Variants in HIPK4 observed in about 807,000 individuals in gnomAD.
HIPK4 encodes the protein homeodomain interacting protein kinase 4, also known as homeodomain-interacting protein kinase 4.
In HIPK4, 26 loss-of-function variants were observed where a neutral mutation model predicts 44.8. The ratio of observed to expected loss-of-function variants is 0.58; its 90% CI spans 0.43 to 0.80. The LOEUF is 0.80. Ranked by LOEUF, HIPK4 falls within the 30% of genes least tolerant of loss-of-function variation. The probability of loss-of-function intolerance (pLI) is 0.00; values close to 1 mark genes in which losing one functional copy is unlikely to be tolerated. For synonymous variants in HIPK4, 340 were observed against 355.5 expected, an observed-to-expected ratio of 0.96 and a Z score of 0.49; for missense variants, 729 against 862.6, an observed-to-expected ratio of 0.85 and a Z score of 1.94.
rs1160820347 is a variant in HIPK4, at chr19:40,389,685, A to C, written c.218T>G (p.Ile73Ser). 5 of 1,614,084 alleles carry C rather than the reference A, an allele frequency of 3.1e-6. No individual in the cohort carries two copies. Among genetic ancestry groups the C allele is most frequent in the African/African-American group, 1.3e-5 (1 of 74,940 alleles). The change falls in exon 1 of 4, where the codon ATC (isoleucine) becomes AGC (serine). Residue 73 changes from isoleucine (I) to serine (S), a missense_variant. Physicochemically the swap from Ile to Ser is moderately radical, Grantham distance 142. Transcript: ENST00000291823. The surrounding 1 kb of genome is among the most constrained non-coding windows in gnomAD (Gnocchi z 4.6). ...GTCATGGAAGAACTCAAGGAAGCGG[A>C]TGACGTGGGCCTCTTCAGGGTCTAG... ...RGLDPEEAHV[I>S]RFLEFFHDAL... is the part of the protein sequence containing the mutation.
At position 40,380,325 on chromosome 19, in the gene HIPK4, C is replaced by T. The variant is rs755706267; in HGVS notation, c.1666G>A (p.Glu556Lys). Reference protein sequence around the residue: ...PNIDNMTMEAERPDPELFDPS... With the variant: ...PNIDNMTMEAKRPDPELFDPS... The stretch of plus-strand genomic sequence containing the variant: ...TATCCTGAACGCACCCGGCTCACCT[C>T]AGCTTCCATGGTCATGTTGTCAATG... Residue 556 changes from glutamate to lysine, a missense_variant and splice_region_variant, in exon 3 of 4, where the codon GAG becomes AAG. By Grantham distance (56) the Glu-to-Lys change is moderately conservative. Transcript: ENST00000291823. The surrounding 1 kb of genome is among the most constrained non-coding windows in gnomAD (Gnocchi z 4.2). 10 of 1,612,426 alleles carry T rather than the reference C, an allele frequency of 6.2e-6. No homozygotes were observed. Among genetic ancestry groups the T allele is most frequent in the Admixed American group, 1.7e-5 (1 of 59,966 alleles).
Position 40,383,892 on chromosome 19 carries a change from A to G in HIPK4, c.713T>C (p.Leu238Pro). 6.2e-7 allele frequency: 1 copy of G among 1,614,172 alleles called. No individual in the cohort carries two copies. Among genetic ancestry groups the G allele is most frequent in the South Asian group, 1.1e-5 (1 of 91,090 alleles). The change falls in exon 2 of 4, where the codon CTG (leucine) becomes CCG (proline). Residue 238 changes from leucine (L) to proline (P), a missense_variant. By Grantham distance (98) the Leu-to-Pro change is moderately conservative. Transcript: ENST00000291823. ...GTGGGCCTTGCAGGCGGCGTGCAAC[A>G]GGTGTGGCTTGGGCAGGCCCTGGGT... is the stretch of plus-strand genomic sequence containing the variant. ...CETQGLPKPHLLHAACKAHHF... is the reference protein window; with the variant it reads ...CETQGLPKPHPLHAACKAHHF...
At chr19:40,388,723 T>A (rs1272839029) in intron 1 of HIPK4, among the ~76,000 whole-genome samples, 1 of 152,076 alleles carries the variant, frequency 6.6e-6, no homozygotes. Context: ...TGCCCCTGGT[T>A]CAGAAGCATC....
intron 2 of HIPK4, among the ~76,000 whole-genome samples, chr19:40,383,080 TC>T (rs1413578546): frequency 4.8e-4 from 61 of 127,052 alleles, no homozygotes; most frequent in Non-Finnish European, 7.0e-4. Flanking sequence ...TTCTTTTCTT[TC>T]TTTTTTTTTT....
At chr19:40,382,863 T>C (rs1395043474) in intron 2 of HIPK4, among the ~76,000 whole-genome samples, 1 of 151,118 alleles carries the variant, frequency 6.6e-6, no homozygotes, top group Non-Finnish European at 1.5e-5. Context: ...CTGGCCAACA[T>C]GGTAAAACCC....
At chr19:40,381,278 ATC>A in intron 2 of HIPK4, 110 bp from the exon 3 acceptor site, 1 of 908,734 alleles carries the variant, frequency 1.1e-6, no homozygotes, top group Non-Finnish European at 1.7e-6. Context: ...TCTGCCCATG[ATC>A]TGCCTTGGAG....
chr19:40,383,894 G>A lies in HIPK4; in HGVS notation c.711C>T (p.His237=), dbSNP rs1265415167. The change falls in exon 2 of 4, where the codon CAC becomes CAT. Residue 237 remains histidine, a synonymous_variant. Transcript: ENST00000291823. ...ICETQGLPKP[H]LLHAACKAHH... ...GGGCCTTGCAGGCGGCGTGCAACAG[G>A]TGTGGCTTGGGCAGGCCCTGGGTTT... 2.5e-6 allele frequency: 4 copies of A among 1,614,166 alleles called. No individual in the cohort carries two copies. Among genetic ancestry groups the A allele is most frequent in the South Asian group, 1.1e-5 (1 of 91,090 alleles).
In HIPK4 at chr19:40,380,313, C is replaced by G. The variant is rs1033702654; in HGVS notation, c.1668+10G>C. On this transcript the variant is annotated intron_variant, in intron 3 of 3. Coordinates refer to ENST00000291823, the MANE Select transcript of HIPK4 (RefSeq NM_144685.5). This position sits in a 1 kb window ranked among gnomAD's most constrained non-coding sequence, Gnocchi z 4.2. ...CCACCCTAATCGTATCCTGAACGCACCCGGCTCACCTCAGCTTCCATGGTC... is the reference window on the plus strand; with the variant it reads ...CCACCCTAATCGTATCCTGAACGCAGCCGGCTCACCTCAGCTTCCATGGTC... 16 of 1,610,862 alleles carry G rather than the reference C, an allele frequency of 9.9e-6. No individual in the cohort carries two copies. In the African/African-American group the frequency reaches 1.6e-4, roughly 16 times the overall value.
chr19:40,380,872 C>A lies in HIPK4; in HGVS notation c.1119G>T (p.Leu373=). 6.2e-7 allele frequency: 1 copy of A among 1,607,926 alleles called. No individual in the cohort carries two copies. The highest frequency in any genetic ancestry group is 8.5e-7 in the Non-Finnish European group (1 of 1,175,050). The stretch of plus-strand genomic sequence containing the variant: ...GCGTGGGGGGCTTCCCCTCCACTTG[C>A]AGCGAGAGGCGGTAGCTGCGCAGCG... The part of the protein sequence containing the change: ...QLSLRSYRLS[L]QVEGKPPTPV... Residue 373 remains leucine, a synonymous_variant, in exon 3 of 4, where the codon CTG becomes CTT. Transcript: ENST00000291823. The surrounding 1 kb of genome is among the most constrained non-coding windows in gnomAD (Gnocchi z 4.2).
chr19:40,383,893 G>T lies in HIPK4; in HGVS notation c.712C>A (p.Leu238Met). Residue 238 changes from leucine (L) to methionine (M), a missense_variant, in exon 2 of 4, where the codon CTG becomes ATG. By Grantham distance (15) the Leu-to-Met change is conservative. Transcript: ENST00000291823. ...CETQGLPKPHLLHAACKAHHF... is the reference protein window; with the variant it reads ...CETQGLPKPHMLHAACKAHHF... ...TGGGCCTTGCAGGCGGCGTGCAACA[G>T]GTGTGGCTTGGGCAGGCCCTGGGTT... The T allele has an allele frequency of 6.2e-7, 1 of 1,614,168 alleles. No individual in the cohort carries two copies. The highest frequency in any genetic ancestry group is 1.1e-5 in the South Asian group (1 of 91,092).
rs1245781451 is a variant in HIPK4, at chr19:40,381,124, G to A, written c.867C>T (p.Asp289=). 1.2e-6 allele frequency: 2 copies of A among 1,607,642 alleles called. No individual in the cohort carries two copies. The highest frequency in any genetic ancestry group is 3.3e-5 in the Admixed American group (2 of 60,012). ...TGCCACCATTCACTGTCTCAATCTG[G>A]TCCAACGACTTGAGCATATACTTGC... is the stretch of plus-strand genomic sequence containing the variant. The part of the protein sequence containing the change: ...ERRKYMLKSL[D]QIETVNGGSV... The change falls in exon 3 of 4, where the codon GAC becomes GAT. Residue 289 remains aspartate, a synonymous_variant. Coordinates refer to ENST00000291823, the MANE Select transcript of HIPK4 (RefSeq NM_144685.5).
intron 1 of HIPK4, among the ~76,000 whole-genome samples, 154 bp from the exon 2 acceptor site, chr19:40,384,293 TTTTGTTTG>T (rs550867697): frequency 1.2e-4 from 19 of 152,006 alleles, no homozygotes; most frequent in African/African-American, 2.9e-4. Context: ...CTTTGTTGGT[TTTTGTTTG>T]TTTGTTTGTT....
chr19:40,387,370 C>T (rs1040997181), intron 1 of HIPK4, among the ~76,000 whole-genome samples: 3 of 152,164 alleles, frequency 2.0e-5, no homozygotes, highest in Admixed American at 6.5e-5. Flanking sequence ...CCAACAGCTG[C>T]GGAACCAACA....
Position 40,380,372 on chromosome 19 carries a change from T to C in HIPK4, c.1619A>G (p.Gln540Arg). The change falls in exon 3 of 4, where the codon CAG (glutamine) becomes CGG (arginine). Residue 540 changes from glutamine to arginine, a missense_variant. Coordinates refer to ENST00000291823, the MANE Select transcript of HIPK4 (RefSeq NM_144685.5). This position sits in a 1 kb window ranked among gnomAD's most constrained non-coding sequence, Gnocchi z 4.2. Reference protein sequence around the residue: ...GASAEPLAILQRDEDGPNIDN... With the variant: ...GASAEPLAILRRDEDGPNIDN... Reference sequence around the variant, plus strand: ...AATGTTGGGCCCATCCTCATCTCGCTGCAGGATGGCCAGTGGCTCAGCAGA... The same window carrying C: ...AATGTTGGGCCCATCCTCATCTCGCCGCAGGATGGCCAGTGGCTCAGCAGA... 1 of 1,614,230 alleles carries C rather than the reference T, an allele frequency of 6.2e-7. No homozygotes were observed. Among genetic ancestry groups the C allele is most frequent in the Non-Finnish European group, 8.5e-7 (1 of 1,180,034 alleles).
Position 40,389,934 on chromosome 19 carries a change from A to C in HIPK4, c.-32T>G. 1 of 1,559,108 alleles carries C rather than the reference A, an allele frequency of 6.4e-7. No homozygotes were observed. The highest frequency in any genetic ancestry group is 8.7e-7 in the Non-Finnish European group (1 of 1,148,544). On this transcript the variant is annotated 5_prime_UTR_variant, in exon 1 of 4. Transcript: ENST00000291823. This position sits in a 1 kb window ranked among gnomAD's most constrained non-coding sequence, Gnocchi z 4.6. ...GCTGCTGCCAGACACCGCCCTGCCC[A>C]GGCCCCTGTACCACTGGCTCTGCCG...
At chr19:40,384,869 C>T (rs891631834) in intron 1 of HIPK4, among the ~76,000 whole-genome samples, 1 of 152,140 alleles carries the variant, frequency 6.6e-6, no homozygotes, top group Admixed American at 6.6e-5. Context: ...TCCTCAGCCT[C>T]CCTAAGTGCT....
chr19:40,387,764 C>T (rs1221791939), intron 1 of HIPK4, among the ~76,000 whole-genome samples: 1 of 152,192 alleles, frequency 6.6e-6, no homozygotes, highest in Non-Finnish European at 1.5e-5. Context: ...CAGGCTTGGG[C>T]CACCACACCT....
rs1395601322 is a variant in HIPK4 at position 40,380,446 on chromosome 19, G to A, written c.1545C>T (p.Asp515=). The change falls in exon 3 of 4, where the codon GAC becomes GAT. Residue 515 remains aspartate, a synonymous_variant. Coordinates refer to ENST00000291823, the MANE Select transcript of HIPK4 (RefSeq NM_144685.5). The surrounding 1 kb of genome is among the most constrained non-coding windows in gnomAD (Gnocchi z 4.2). ...IRLSQVSPED[D]RPCRGSSWEE... ...CCCAGCTGCTGCCCCGGCAGGGCCT[G>A]TCATCCTCAGGCGAGACCTGGCTCA... 3.1e-6 allele frequency: 5 copies of A among 1,613,886 alleles called. No individual in the cohort carries two copies. The Admixed American group carries it at 8.3e-5, about 27-fold the overall frequency.
Position 40,380,371 on chromosome 19 carries a change from C to A in HIPK4, c.1620G>T (p.Gln540His), listed in dbSNP as rs765475342. 1 of 1,614,126 alleles carries A rather than the reference C, an allele frequency of 6.2e-7. No homozygotes were observed. The highest frequency in any genetic ancestry group is 8.5e-7 in the Non-Finnish European group (1 of 1,180,050). ...GASAEPLAILQRDEDGPNIDN... is the reference protein window; with the variant it reads ...GASAEPLAILHRDEDGPNIDN... ...CAATGTTGGGCCCATCCTCATCTCG[C>A]TGCAGGATGGCCAGTGGCTCAGCAG... Residue 540 changes from glutamine (Q) to histidine (H), a missense_variant, in exon 3 of 4, where the codon CAG (glutamine) becomes CAT (histidine). Gln to His is a conservative substitution (Grantham distance 24, BLOSUM62 0). This residue lies in a region of HIPK4 where 533 missense variants were observed against 567.5 expected (regional missense o/e 0.94). Transcript: ENST00000291823. This position sits in a 1 kb window ranked among gnomAD's most constrained non-coding sequence, Gnocchi z 4.2.
Sources: gnomAD v4.1 joint callset for allele counts (sites outside exome capture counted in the v4.1 genomes callset) on GRCh38, gnomAD v4.1.1 for gene constraint, gnomAD v4.1.1 regional missense constraint, Gnocchi (gnomAD v3.1) non-coding constraint, MANE v1.5 for transcripts, NCBI Gene and HGNC (gene_info 2026-07-23, HGNC 2026-07-21) for gene names.